ZFHX3: variants seen among roughly 807,000 people sequenced by gnomAD.
ZFHX3 encodes zinc finger homeobox 3.
ZFHX3 carries 42 observed loss-of-function variants against 279.1 expected under a neutral mutation model. The ratio of observed to expected loss-of-function variants is 0.15; its 90% CI spans 0.12 to 0.19. The LOEUF (loss-of-function observed/expected upper bound fraction) is 0.19, where lower values mean the gene tolerates loss of function less well. ZFHX3 is among the 10% of genes least tolerant of loss of function. The pLI, the probability that ZFHX3 is intolerant of heterozygous loss-of-function variation, is 1.00. For missense variants in ZFHX3, 4,981 were observed against 4,754.0 expected (o/e 1.05, Z -1.40); for synonymous variants, 2,293 against 1,957.8 (o/e 1.17, Z -4.52).
At chr16:73,291,500 G>C (rs755547808) in intron 4 of ZFHX3, among the ~76,000 whole-genome samples, 1 of 152,204 alleles carries the variant, frequency 6.6e-6, no homozygotes, top group South Asian at 2.1e-4. Flanking sequence ...GGCAGAAAGA[G>C]ACAAACACTA....
intron 4 of ZFHX3, among the ~76,000 whole-genome samples, chr16:72,830,505 G>T (rs2037037022): frequency 6.6e-6 from 1 of 152,220 alleles, no homozygotes; most frequent in African/African-American, 2.4e-5. Context: ...TAGAGTAAGG[G>T]ATAAAAATTT....
intron 5 of ZFHX3, chr16:73,144,296 T>G (rs988952540): frequency 6.5e-6 from 1 of 154,372 alleles, no homozygotes; most frequent in African/African-American, 2.4e-5. Context: ...TGGTGTTAAC[T>G]ACTGAACACT....
chr16:73,761,694 T>TC (rs2053868879), intron 1 of ZFHX3, among the ~76,000 whole-genome samples: 1 of 152,136 alleles, frequency 6.6e-6, no homozygotes, highest in Admixed American at 6.6e-5. Flanking sequence ...TCTGCAACCA[T>TC]CTGATCTTCA....
At chr16:73,105,589 C>A (rs972761213) in intron 7 of ZFHX3, among the ~76,000 whole-genome samples, 2 of 151,640 alleles carry the variant, frequency 1.3e-5, no homozygotes, top group Non-Finnish European at 2.9e-5. Flanking sequence ...CCCATCTCTA[C>A]TAAAAGCACA....
At chr16:73,330,342 G>A (rs2143224556) in intron 3 of ZFHX3, among the ~76,000 whole-genome samples, 1 of 152,304 alleles carries the variant, frequency 6.6e-6, no homozygotes, top group East Asian at 1.9e-4. Context: ...GATGGTATCA[G>A]TCAGGTTCTG....
chr16:73,839,900 C>A (rs1203121885), intron 1 of ZFHX3, among the ~76,000 whole-genome samples: 3 of 152,208 alleles, frequency 2.0e-5, no homozygotes, highest in Non-Finnish European at 4.4e-5. Flanking sequence ...ACACCAGGTT[C>A]TTCCTGCTGG....
At chr16:73,715,273 A>T (rs1388316566) in intron 1 of ZFHX3, among the ~76,000 whole-genome samples, 1 of 152,200 alleles carries the variant, frequency 6.6e-6, no homozygotes, top group African/African-American at 2.4e-5. Context: ...ACTGAAGAGC[A>T]TCAAAGTGAA....
chr16:73,503,589 G>A (rs561694177), intron 2 of ZFHX3, among the ~76,000 whole-genome samples: 3 of 152,272 alleles, frequency 2.0e-5, no homozygotes, highest in South Asian at 2.1e-4. Context: ...TTACCATTGT[G>A]TCAGTTACAG....
intron 1 of ZFHX3, among the ~76,000 whole-genome samples, chr16:72,965,102 C>G (rs965304985): frequency 6.6e-6 from 1 of 152,254 alleles, no homozygotes; most frequent in East Asian, 1.9e-4. Context: ...TGGTCTCAAA[C>G]TCCTGAGCTC....
chr16:72,971,033 C>G (rs375841808), intron 1 of ZFHX3, among the ~76,000 whole-genome samples: 1 of 152,174 alleles, frequency 6.6e-6, no homozygotes, highest in Non-Finnish European at 1.5e-5. Context: ...GGTAGTTTTT[C>G]GGGCTTTTTT....
At chr16:73,424,255 A>G (rs1294389011) in intron 3 of ZFHX3, among the ~76,000 whole-genome samples, 1 of 152,214 alleles carries the variant, frequency 6.6e-6, no homozygotes, top group Non-Finnish European at 1.5e-5. Flanking sequence ...ACTCATTTGT[A>G]AAACAGAGGT....
intron 1 of ZFHX3, among the ~76,000 whole-genome samples, chr16:73,013,748 G>A (rs867128941): frequency 1.1e-4 from 16 of 152,194 alleles, no homozygotes; most frequent in South Asian, 2.1e-4. Flanking sequence ...AAGGAAATAG[G>A]CATTGTTGGA....
intron 5 of ZFHX3, among the ~76,000 whole-genome samples, chr16:73,190,834 G>A (rs1432559739): frequency 6.6e-6 from 1 of 152,120 alleles, no homozygotes; most frequent in African/African-American, 2.4e-5. Flanking sequence ...GTGGGGGAGA[G>A]CAGAGTGGGG....
At chr16:73,107,951 G>A (rs1241468493) in intron 7 of ZFHX3, among the ~76,000 whole-genome samples, 4 of 152,168 alleles carry the variant, frequency 2.6e-5, no homozygotes, top group Non-Finnish European at 5.9e-5. Context: ...CACGAGGTCA[G>A]GAGATCGAGA....
intron 2 of ZFHX3, among the ~76,000 whole-genome samples, chr16:73,526,327 C>T (rs943554921): frequency 3.3e-5 from 5 of 152,184 alleles, no homozygotes; most frequent in South Asian, 4.1e-4. Flanking sequence ...TCTAGCAAGG[C>T]CTTATATTAA....
upstream of ZFHX3, among the ~76,000 whole-genome samples, chr16:73,050,887 G>A (rs1360917365): frequency 4.6e-5 from 7 of 152,294 alleles, no homozygotes; most frequent in South Asian, 2.1e-4. Flanking sequence ...ATCAGGGAGC[G>A]CTAACCCCTT....
At chr16:73,668,078 C>T (rs942224969) in intron 2 of ZFHX3, among the ~76,000 whole-genome samples, 4 of 152,142 alleles carry the variant, frequency 2.6e-5, no homozygotes, top group African/African-American at 7.2e-5. Context: ...GTCACCTCTA[C>T]GAAGCTTGCC....
At chr16:73,013,213 A>T (rs991802324) in intron 1 of ZFHX3, among the ~76,000 whole-genome samples, 1 of 152,200 alleles carries the variant, frequency 6.6e-6, no homozygotes. Flanking sequence ...ATCAATCTCC[A>T]CTGAACCTTT....
intron 2 of ZFHX3, among the ~76,000 whole-genome samples, chr16:73,671,688 G>A (rs1030234630): frequency 5.3e-5 from 8 of 152,172 alleles, no homozygotes; most frequent in African/African-American, 1.9e-4. Flanking sequence ...GAAAGCAATT[G>A]CATGAAACAC....
Sources: gnomAD v4.1 joint callset for allele counts (sites outside exome capture counted in the v4.1 genomes callset) on GRCh38, gnomAD v4.1.1 for gene constraint, MANE v1.5 for transcripts, NCBI Gene and HGNC (gene_info 2026-07-23, HGNC 2026-07-21) for gene names.